The following C1orf105 variants were observed in gnomAD, a reference collection of about 807,000 sequenced individuals.
C1orf105 encodes the protein chromosome 1 open reading frame 105.
Under a neutral mutation model 20.8 loss-of-function variants are expected in C1orf105, and 17 were observed. The observed-to-expected ratio is 0.82, with a 90% CI of 0.56 to 1.23. The LOEUF (loss-of-function observed/expected upper bound fraction) is 1.23, where lower values mean the gene tolerates loss of function less well. C1orf105 is among the 50% of genes most tolerant of loss of function. C1orf105 has a pLI of 0.00. For missense variants in C1orf105, 219 were observed against 213.5 expected (o/e 1.03, Z -0.16); for synonymous variants, 72 against 72.1 (o/e 1.00, Z 0.01).
intron 6 of C1orf105, chr1:172,465,642 G>C: frequency 1.7e-6 from 1 of 572,004 alleles, no homozygotes; most frequent in Non-Finnish European, 3.3e-6. Flanking sequence ...GACTTTCCAT[G>C]GAGATGGGGT....
In C1orf105 at chr1:172,425,662, C is replaced by T. The variant is rs947590818; in HGVS notation, c.21+4756C>T. 4.6e-5 allele frequency among the ~76,000 whole-genome samples: 7 copies of T among 152,134 alleles called. No homozygotes were observed. In the South Asian group the frequency reaches 1.0e-3, roughly 22 times the overall value. ...GCCCAAAATCAAAATTTTTAGAGCA[C>T]TACAATGACACTGCTTGCTATTAGA... On this transcript the variant is annotated intron_variant, in intron 1 of 6. Transcript: ENST00000367727.
chr1:172,442,220 G>A (rs1257889525), intron 1 of C1orf105: 29 of 1,613,988 alleles, frequency 1.8e-5, no homozygotes, highest in Non-Finnish European at 2.5e-5. Flanking sequence ...TTCAGCACTG[G>A]TGAAAACCCA....
chr1:172,456,387 A>T (rs778949941), intron 3 of C1orf105, 28 bp from the exon 4 acceptor site: 3 of 1,596,168 alleles, frequency 1.9e-6, no homozygotes, highest in Non-Finnish European at 2.6e-6. Context: ...CCATTTCCTC[A>T]CCTCTCTCTG....
intron 1 of C1orf105, among the ~76,000 whole-genome samples, chr1:172,421,874 T>C (rs540259946): frequency 4.3e-4 from 66 of 151,940 alleles, no homozygotes; most frequent in African/African-American, 1.6e-3. Flanking sequence ...TGTGGGACTC[T>C]AGAATTCAGT....
In C1orf105 at chr1:172,444,024, G is replaced by A. The variant is rs141877336; in HGVS notation, c.22-1049G>A. On this transcript the variant is annotated intron_variant, in intron 1 of 6. Transcript: ENST00000367727. ...TAGGGTTGCGCAGCTGGGGGACGGC[G>A]GCACCCAGCCTTTTTCCCGCTTCGG... The A allele has an allele frequency of 9.4e-4, 943 of 1,000,098 alleles. 5 individuals carry two copies. In the African/African-American group the frequency reaches 9.7e-3, roughly 10 times the overall value. The allele number at this position is 1,000,098 out of a possible 1,614,324, so 62.0% of individuals were successfully genotyped here.
Position 172,441,412 on chromosome 1 carries a change from CCT to C in C1orf105, c.22-3658_22-3657del, listed in dbSNP as rs576277264. ...ACACACTTACTTCACTCTTCATGCC[CCT>C]CTGTCTGCCTCCTGTTTATGGAAAA... is the stretch of plus-strand genomic sequence containing the variant. On this transcript the variant is annotated intron_variant, in intron 1 of 6. Transcript: ENST00000367727. 272 of 219,472 alleles carry C rather than the reference CCT, an allele frequency of 1.2e-3. 1 individual carries two copies. Among genetic ancestry groups the C allele is most frequent in the African/African-American group, 5.6e-3 (241 of 43,322 alleles). The allele number at this position is 219,472 out of a possible 1,614,324, so 13.6% of individuals were successfully genotyped here. A position where few individuals can be genotyped will look rare whatever the true frequency, so the allele number is the denominator to read the frequency against.
intron 1 of C1orf105, among the ~76,000 whole-genome samples, chr1:172,428,207 G>A (rs1032187505): frequency 2.0e-5 from 3 of 151,958 alleles, no homozygotes; most frequent in Non-Finnish European, 2.9e-5. Flanking sequence ...ACTATTTTCC[G>A]CCACTTCCTC....
chr1:172,432,693 C>T (rs1174245526), intron 1 of C1orf105, among the ~76,000 whole-genome samples: 1 of 152,180 alleles, frequency 6.6e-6, no homozygotes, highest in Non-Finnish European at 1.5e-5. Flanking sequence ...ATTCTAAAAA[C>T]CAGAGCGCCT....
chr1:172,465,760 C>T (rs1650003814), intron 6 of C1orf105: 3 of 440,854 alleles, frequency 6.8e-6, no homozygotes, highest in African/African-American at 2.0e-5. Flanking sequence ...GGCCCTGAAC[C>T]TTTCACTCCA....
chr1:172,456,519 C>A, intron 4 of C1orf105, 30 bp downstream of exon 4: 1 of 1,595,588 alleles, frequency 6.3e-7, no homozygotes, highest in Non-Finnish European at 8.6e-7. Flanking sequence ...GAAATGGGCA[C>A]AGGCATCTCA....
At chr1:172,436,165 C>A (rs2072034844) in intron 1 of C1orf105, among the ~76,000 whole-genome samples, 1 of 152,140 alleles carries the variant, frequency 6.6e-6, no homozygotes, top group Admixed American at 6.5e-5. Context: ...GCCATACCGC[C>A]CAAGGTAATT....
chr1:172,465,536 C>T, intron 6 of C1orf105, 173 bp downstream of exon 6: 1 of 688,692 alleles, frequency 1.5e-6, no homozygotes, highest in East Asian at 2.8e-5. Context: ...CACAGCCCTT[C>T]TTTCACTCCA....
At chr1:172,465,809 C>T (rs1216117622) in intron 6 of C1orf105, 3 of 380,788 alleles carry the variant, frequency 7.9e-6, no homozygotes, top group Non-Finnish European at 1.5e-5. Flanking sequence ...CAGCAGCTGC[C>T]TGTGCTATTC....
chr1:172,467,855 T>C (rs993555286), intron 6 of C1orf105, among the ~76,000 whole-genome samples: 4 of 152,204 alleles, frequency 2.6e-5, no homozygotes, highest in African/African-American at 9.7e-5. Flanking sequence ...AAAAATTGAA[T>C]ATTAACCAAC....
intron 1 of C1orf105, chr1:172,442,778 T>C: frequency 1.5e-6 from 1 of 665,288 alleles, no homozygotes; most frequent in South Asian, 1.9e-5. Flanking sequence ...AGGCAGGGGC[T>C]AGGCCTACAA....
At chr1:172,442,458 G>A (rs1341690679) in intron 1 of C1orf105, 2 of 1,614,024 alleles carry the variant, frequency 1.2e-6, no homozygotes, top group Admixed American at 1.7e-5. Context: ...TCACCACACT[G>A]GACTCAAATA....
chr1:172,448,606 C>T, intron 3 of C1orf105, 75 bp downstream of exon 3: 1 of 829,178 alleles, frequency 1.2e-6, no homozygotes, highest in Non-Finnish European at 2.1e-6. Flanking sequence ...CATGTCCCAT[C>T]TCCTTAGCAC....
intron 1 of C1orf105, among the ~76,000 whole-genome samples, chr1:172,422,497 C>A (rs952550536): frequency 6.6e-6 from 1 of 152,058 alleles, no homozygotes; most frequent in African/African-American, 2.4e-5. Flanking sequence ...TACTACATAC[C>A]GTGGGCCTCA....
chr1:172,443,730 G>T (rs1199253038), intron 1 of C1orf105: 1 of 168,062 alleles, frequency 6.0e-6, no homozygotes, highest in African/African-American at 2.4e-5. Context: ...TCCCAGCCCG[G>T]GAATCTTAAG....
Sources: allele counts gnomAD v4.1 joint callset (sites outside exome capture counted in the v4.1 genomes callset), GRCh38; gene constraint gnomAD v4.1.1; transcripts MANE v1.5; gene names NCBI Gene and HGNC (gene_info 2026-07-23, HGNC 2026-07-21).